The following CUBN variants were observed in gnomAD, a reference collection of about 807,000 sequenced individuals.
The protein encoded by CUBN is cubilin.
Under a neutral mutation model 405.3 loss-of-function variants are expected in CUBN, and 282 were observed. The observed-to-expected ratio is 0.70, with a 90% CI of 0.63 to 0.77. The LOEUF (loss-of-function observed/expected upper bound fraction) is 0.77. Among genes scored for constraint, CUBN ranks in the 30% least tolerant of loss-of-function variants. The pLI, the probability that CUBN is intolerant of heterozygous loss-of-function variation, is 0.00. For missense variants in CUBN, 4,514 were observed against 4,475.2 expected, an observed-to-expected ratio of 1.01 and a Z score of -0.25; for synonymous variants, 1,684 against 1,617.0, an observed-to-expected ratio of 1.04 and a Z score of -0.99.
At chr10:16,846,775 G>T (rs1839522639) in intron 60 of CUBN, among the ~76,000 whole-genome samples, 1 of 148,388 alleles carries the variant, frequency 6.7e-6, no homozygotes, top group African/African-American at 2.5e-5. Flanking sequence ...TCACACCATT[G>T]CACTCGAGCC....
At chr10:16,990,064 C>T (rs1833536472) in intron 29 of CUBN, among the ~76,000 whole-genome samples, 1 of 152,246 alleles carries the variant, frequency 6.6e-6, no homozygotes, top group African/African-American at 2.4e-5. Context: ...TCCCCCTCCT[C>T]CTTTCCTTCA....
chr10:16,889,737 T>C (rs1415063501), intron 55 of CUBN, among the ~76,000 whole-genome samples: 1 of 139,990 alleles, frequency 7.1e-6, no homozygotes, highest in African/African-American at 2.7e-5. Flanking sequence ...CTACTAAAAA[T>C]ACAAAAAAAA....
chr10:17,006,736 C>T (rs922298890), intron 28 of CUBN, among the ~76,000 whole-genome samples: 11 of 152,124 alleles, frequency 7.2e-5, no homozygotes, highest in Admixed American at 2.6e-4. Flanking sequence ...ACATCCAAAC[C>T]GAGCCAGTCA....
At chr10:16,939,966 G>A in intron 37 of CUBN, 66 bp downstream of exon 37, 1 of 1,312,676 alleles carries the variant, frequency 7.6e-7, no homozygotes, top group Non-Finnish European at 1.1e-6. Context: ...ATATTACTGA[G>A]AAAATTATTA....
Position 16,937,655 on chromosome 10 carries a change from C to T in CUBN, c.5863G>A (p.Gly1955Arg). 6.2e-7 allele frequency: 1 copy of T among 1,613,968 alleles called. No homozygotes were observed. Among genetic ancestry groups the T allele is most frequent in the Non-Finnish European group, 8.5e-7 (1 of 1,179,974 alleles). Residue 1955 changes from glycine (G) to arginine (R), a missense_variant, in exon 39 of 67, where the codon GGA (glycine) becomes AGA (arginine). Physicochemically the swap from Gly to Arg is moderately radical, Grantham distance 125. Coordinates refer to ENST00000377833, the MANE Select transcript of CUBN (RefSeq NM_001081.4). ...FYSDSSISGK[G>R]FLLEWFAVDA... ...ACTGCAAACCACTCCAGAAGGAATC[C>T]CTTCCCTGAGATTGAAGAGTCGGAG...
At chr10:16,946,686 G>A (rs1301053613) in intron 36 of CUBN, among the ~76,000 whole-genome samples, 1 of 151,866 alleles carries the variant, frequency 6.6e-6, no homozygotes, top group Non-Finnish European at 1.5e-5. Flanking sequence ...AGTAGAGACG[G>A]GGTTTCGTCA....
intron 8 of CUBN, among the ~76,000 whole-genome samples, chr10:17,113,712 T>C (rs1336607483): frequency 6.6e-6 from 1 of 152,232 alleles, no homozygotes; most frequent in African/African-American, 2.4e-5. Context: ...CTGGTTAGTA[T>C]GAAAGGTGGG....
chr10:17,013,404 C>T (rs1834240609), intron 28 of CUBN, among the ~76,000 whole-genome samples: 1 of 144,692 alleles, frequency 6.9e-6, no homozygotes, highest in Non-Finnish European at 1.5e-5. Flanking sequence ...CTCTTTGTCT[C>T]TCTCTTCCTC....
At chr10:16,898,260 T>A (rs927448310) in intron 54 of CUBN, among the ~76,000 whole-genome samples, 3 of 152,216 alleles carry the variant, frequency 2.0e-5, no homozygotes, top group African/African-American at 7.2e-5. Flanking sequence ...CATCGTATTA[T>A]CTCCAATGCT....
At chr10:16,846,907 T>G (rs77460437) in intron 60 of CUBN, among the ~76,000 whole-genome samples, 1 of 152,080 alleles carries the variant, frequency 6.6e-6, no homozygotes, top group Non-Finnish European at 1.5e-5. Context: ...CTCTCTCTGC[T>G]GGTTCCATAC....
At chr10:17,067,791 G>A (rs1835645401) in intron 21 of CUBN, among the ~76,000 whole-genome samples, 1 of 152,072 alleles carries the variant, frequency 6.6e-6, no homozygotes, top group Admixed American at 6.5e-5. Flanking sequence ...AGGAACAAAA[G>A]CAAGGAATTA....
intron 31 of CUBN, among the ~76,000 whole-genome samples, chr10:16,961,095 G>C (rs1843204771): frequency 6.6e-6 from 1 of 152,106 alleles, no homozygotes; most frequent in African/African-American, 2.4e-5. Flanking sequence ...TATTTTTGTA[G>C]TCAGGGTCTT....
At chr10:17,124,016 G>A (rs1837109197) in intron 4 of CUBN, among the ~76,000 whole-genome samples, 2 of 152,172 alleles carry the variant, frequency 1.3e-5, no homozygotes, top group African/African-American at 4.8e-5. Context: ...CAGGAGTAAA[G>A]GTTTCAGGTG....
intron 17 of CUBN, among the ~76,000 whole-genome samples, chr10:17,079,566 C>T (rs548654634): frequency 6.6e-6 from 1 of 152,052 alleles, no homozygotes; most frequent in Non-Finnish European, 1.5e-5. Flanking sequence ...AGGATCTCCC[C>T]CTTTTCCCTT....
intron 31 of CUBN, among the ~76,000 whole-genome samples, chr10:16,980,895 G>GA (rs5783529): frequency 2.1e-5 from 3 of 142,462 alleles, no homozygotes; most frequent in African/African-American, 8.0e-5. Context: ...AAAACAGAAA[G>GA]AAAAAAAAAA....
chr10:17,041,389 CAT>C (rs937778090), intron 26 of CUBN, among the ~76,000 whole-genome samples, 169 bp from the exon 27 acceptor site: 1 of 151,732 alleles, frequency 6.6e-6, no homozygotes, highest in Non-Finnish European at 1.5e-5. Flanking sequence ...GACACACACA[CAT>C]ATATATTTGG....
At chr10:17,052,464 A>T (rs1835290651) in intron 22 of CUBN, among the ~76,000 whole-genome samples, 1 of 152,086 alleles carries the variant, frequency 6.6e-6, no homozygotes, top group Non-Finnish European at 1.5e-5. Flanking sequence ...TTTATAATAT[A>T]GAGAGAAGTA....
chr10:17,085,249 T>A (rs984988013), intron 16 of CUBN, among the ~76,000 whole-genome samples: 1 of 152,116 alleles, frequency 6.6e-6, no homozygotes, highest in African/African-American at 2.4e-5. Flanking sequence ...GACCCGAGGA[T>A]AAAATCCAGA....
At chr10:16,997,905 T>G (rs920658495) in intron 28 of CUBN, among the ~76,000 whole-genome samples, 1 of 152,130 alleles carries the variant, frequency 6.6e-6, no homozygotes, top group Admixed American at 6.5e-5. Context: ...CTCCTCAAAT[T>G]CATAAGGACA....
Sources: gnomAD v4.1 joint callset for allele counts (sites outside exome capture counted in the v4.1 genomes callset) on GRCh38, gnomAD v4.1.1 for gene constraint, MANE v1.5 for transcripts, NCBI Gene and HGNC (gene_info 2026-07-23, HGNC 2026-07-21) for gene names.